Variants in WLS observed in about 807,000 individuals in gnomAD.
WLS encodes the protein protein wntless homolog.
Under a neutral mutation model 62.8 loss-of-function variants are expected in WLS, and 23 were observed. The ratio of observed to expected loss-of-function variants is 0.37; its 90% CI spans 0.26 to 0.52. The LOEUF (loss-of-function observed/expected upper bound fraction) is 0.52, where lower values mean the gene tolerates loss of function less well. WLS is among the 20% of genes least tolerant of loss of function. The pLI is 0.92. For synonymous variants in WLS, 246 were observed against 244.1 expected (o/e 1.01, Z -0.07); for missense variants, 615 against 697.3 (o/e 0.88, Z 1.33).
intron 1 of WLS, chr1:68,202,107 C>G (rs1050668343): frequency 6.6e-6 from 1 of 152,212 alleles, no homozygotes; most frequent in Non-Finnish European, 1.5e-5. Flanking sequence ...GCTTACATTA[C>G]TTGCCTGGCT....
intron 1 of WLS, among the ~76,000 whole-genome samples, chr1:68,200,541 G>A (rs544491965): frequency 6.6e-6 from 1 of 151,312 alleles, no homozygotes; most frequent in East Asian, 1.9e-4. Flanking sequence ...TCAAAAGTTT[G>A]GGGAGCTTAT....
At position 68,126,345 on chromosome 1, in the gene WLS, G is replaced by A. The variant is rs982202721; in HGVS notation, c.1517-10C>T. On this transcript the variant is annotated splice_polypyrimidine_tract_variant and intron_variant, in intron 11 of 11. Transcript: ENST00000262348. ...TGGACACCCAGATCGCCTGAAACAG[G>A]GTTTTCGGTGTTAGATGCATTCAAG... is the stretch of plus-strand genomic sequence containing the variant. 5 of 1,613,798 alleles carry A rather than the reference G, an allele frequency of 3.1e-6. No individual in the cohort carries two copies. In the African/African-American group the frequency reaches 6.7e-5, roughly 22 times the overall value.
intron 1 of WLS, among the ~76,000 whole-genome samples, chr1:68,226,579 G>A (rs778236626): frequency 2.2e-3 from 328 of 152,244 alleles, no homozygotes; most frequent in Non-Finnish European, 3.8e-3. Context: ...ATAAATAAGT[G>A]AAAATTATCT....
chr1:68,120,890 C>T (rs565795060), downstream of WLS, among the ~76,000 whole-genome samples: 4 of 152,196 alleles, frequency 2.6e-5, no homozygotes, highest in South Asian at 2.1e-4. Flanking sequence ...CTTTATATTT[C>T]GAACTGTACT....
chr1:68,187,633 G>GT (rs1648041343), intron 2 of WLS, among the ~76,000 whole-genome samples: 1 of 152,262 alleles, frequency 6.6e-6, no homozygotes, highest in East Asian at 1.9e-4. Flanking sequence ...TGGGAGAAAT[G>GT]CTCAAGAGTT....
At chr1:68,098,542 T>G in exon 12 of WLS, 6 of 1,529,826 alleles carry the variant, frequency 3.9e-6, no homozygotes, top group Middle Eastern at 1.8e-4. Context: ...AAAGGCTAAA[T>G]GAGTGTATTT....
intron 1 of WLS, among the ~76,000 whole-genome samples, chr1:68,226,658 C>T (rs187491814): frequency 5.3e-5 from 8 of 152,232 alleles, no homozygotes; most frequent in Admixed American, 2.6e-4. Context: ...CTCTTTTCTA[C>T]CCACAGCTCC....
downstream of WLS, chr1:68,125,251 C>T: frequency 1.1e-6 from 1 of 915,860 alleles, no homozygotes; most frequent in Non-Finnish European, 1.3e-6. Flanking sequence ...GTATTATCCC[C>T]AAACACTTTG....
chr1:68,165,135 A>G (rs144720900), intron 2 of WLS, among the ~76,000 whole-genome samples: 150 of 152,294 alleles, frequency 9.8e-4, no homozygotes, highest in African/African-American at 3.3e-3. Flanking sequence ...GGAGAAACAC[A>G]AGAGTATAAA....
intron 1 of WLS, among the ~76,000 whole-genome samples, chr1:68,211,707 C>T (rs1210509163): frequency 6.6e-6 from 1 of 152,174 alleles, no homozygotes; most frequent in Non-Finnish European, 1.5e-5. Context: ...GATCTCTTCC[C>T]CATTTCTCAC....
intron 11 of WLS, among the ~76,000 whole-genome samples, chr1:68,127,553 G>A (rs1049150926): frequency 4.9e-5 from 7 of 143,260 alleles, no homozygotes; most frequent in Admixed American, 1.4e-4. Context: ...AATGGAAAAC[G>A]CAACCACGCT....
intron 1 of WLS, among the ~76,000 whole-genome samples, chr1:68,217,414 A>G (rs1171716481): frequency 6.6e-6 from 1 of 152,220 alleles, no homozygotes; most frequent in Admixed American, 6.5e-5. Context: ...ACAGCAGGAT[A>G]GAAATAAGCA....
intron 11 of WLS, among the ~76,000 whole-genome samples, chr1:68,118,247 C>T (rs1433788576): frequency 6.6e-6 from 1 of 152,100 alleles, no homozygotes; most frequent in Non-Finnish European, 1.5e-5. Flanking sequence ...GAACTGACAA[C>T]CTAAAAATAT....
chr1:68,170,467 C>T (rs12061281), intron 2 of WLS, among the ~76,000 whole-genome samples: 2,595 of 152,104 alleles, frequency 0.017, 41 homozygotes, highest in African/African-American at 0.045. Flanking sequence ...CGCGCTCGGC[C>T]GCTGGCTGCT....
rs867015779 is a variant in WLS, at chr1:68,232,219, GAT to G, written c.79_80del (p.Ile27ArgfsTer28). 5 of 1,614,042 alleles carry G rather than the reference GAT, an allele frequency of 3.1e-6. No homozygotes were observed. Among genetic ancestry groups the G allele is most frequent in the Non-Finnish European group, 4.2e-6 (5 of 1,180,034 alleles). On this transcript the variant is annotated frameshift_variant, in exon 1 of 12. Coordinates refer to ENST00000262348, the MANE Select transcript of WLS (RefSeq NM_024911.7). LOFTEE classifies it high-confidence loss of function. ...CAATCAAGCCTCCCACCAGAAAGGC[GAT>G]GATTTGGAACACGAGCAGAATCCCA... The part of the protein sequence containing the change: ...VGGILLVFQI[I>X]AFLVGGLIAP...
At chr1:68,131,216 T>TG (rs1449707518) in intron 11 of WLS, among the ~76,000 whole-genome samples, 4 of 151,392 alleles carry the variant, frequency 2.6e-5, no homozygotes, top group Non-Finnish European at 5.9e-5. Context: ...TGGCCTTTTT[T>TG]TTTTTTCCAA....
chr1:68,106,318 T>G (rs1178678850), intron 11 of WLS, among the ~76,000 whole-genome samples: 1 of 152,050 alleles, frequency 6.6e-6, no homozygotes, highest in African/African-American at 2.4e-5. Context: ...CGAGGCTGGG[T>G]GGGCAGAGGG....
At chr1:68,204,518 A>G (rs1649194246) in intron 1 of WLS, among the ~76,000 whole-genome samples, 1 of 152,108 alleles carries the variant, frequency 6.6e-6, no homozygotes, top group East Asian at 1.9e-4. Context: ...CGTATTAGCC[A>G]GGATGGTCTC....
chr1:68,166,988 G>T (rs946477849), intron 2 of WLS, among the ~76,000 whole-genome samples: 13 of 152,010 alleles, frequency 8.6e-5, no homozygotes, highest in Non-Finnish European at 1.0e-4. Flanking sequence ...CTGTTCAAGT[G>T]ACCTTTACTA....
Sources: gnomAD v4.1 joint callset for allele counts (sites outside exome capture counted in the v4.1 genomes callset) on GRCh38, gnomAD v4.1.1 for gene constraint, MANE v1.5 for transcripts, NCBI Gene and HGNC (gene_info 2026-07-23, HGNC 2026-07-21) for gene names.